Variants in RABL3 observed in about 807,000 individuals in gnomAD.
The protein encoded by RABL3 is rab-like protein 3.
In RABL3, 31 loss-of-function variants were observed where a neutral mutation model predicts 31.8. The ratio of observed to expected loss-of-function variants is 0.97; its 90% CI spans 0.73 to 1.31. RABL3 has a LOEUF of 1.31. RABL3 is among the 40% of genes most tolerant of loss of function. The probability of loss-of-function intolerance (pLI) is 0.00; values close to 1 mark genes in which losing one functional copy is unlikely to be tolerated. For missense variants in RABL3, 263 were observed against 279.6 expected, an observed-to-expected ratio of 0.94 and a Z score of 0.42; for synonymous variants, 97 against 99.9, an observed-to-expected ratio of 0.97 and a Z score of 0.18.
intron 1 of RABL3, among the ~76,000 whole-genome samples, chr3:120,735,404 T>G (rs1266288904): frequency 6.6e-6 from 1 of 151,818 alleles, no homozygotes; most frequent in Non-Finnish European, 1.5e-5. Flanking sequence ...CCTTTATCAT[T>G]TTTTATTGCG....
intron 2 of RABL3, among the ~76,000 whole-genome samples, chr3:120,724,304 A>G (rs946171345): frequency 7.9e-5 from 12 of 152,238 alleles, no homozygotes; most frequent in African/African-American, 2.9e-4. Context: ...AAAAGAGGAC[A>G]CAAACAAATG....
chr3:120,736,678 T>C (rs907280075), intron 1 of RABL3, among the ~76,000 whole-genome samples: 2 of 152,190 alleles, frequency 1.3e-5, no homozygotes, highest in Admixed American at 1.3e-4. Context: ...TACCAGTTGT[T>C]CCTTTCCATG....
chr3:120,708,330 T>C (rs1708574314), intron 3 of RABL3, among the ~76,000 whole-genome samples: 3 of 152,038 alleles, frequency 2.0e-5, no homozygotes, highest in Non-Finnish European at 4.4e-5. Flanking sequence ...TAATGAATAG[T>C]AGGTACAGAA....
intron 2 of RABL3, chr3:120,710,612 T>G (rs568905086): frequency 6.6e-6 from 1 of 152,316 alleles, no homozygotes; most frequent in South Asian, 2.1e-4. Context: ...TAAGGCTAAA[T>G]CCTCCTTCTG....
chr3:120,704,091 A>C (rs962085489), intron 4 of RABL3, among the ~76,000 whole-genome samples: 2 of 152,266 alleles, frequency 1.3e-5, no homozygotes, highest in Admixed American at 6.5e-5. Context: ...AACCAGTCAA[A>C]GACATTATGA....
intron 1 of RABL3, among the ~76,000 whole-genome samples, chr3:120,741,610 C>T (rs1176260058): frequency 6.6e-6 from 1 of 152,076 alleles, no homozygotes; most frequent in African/African-American, 2.4e-5. Context: ...AGCTGGAAAT[C>T]CAGACGCCAG....
intron 2 of RABL3, among the ~76,000 whole-genome samples, chr3:120,715,048 AACTGAACTT>A (rs1708652312): frequency 6.6e-6 from 1 of 152,182 alleles, no homozygotes; most frequent in African/African-American, 2.4e-5. Flanking sequence ...CCATGTCCAG[AACTGAACTT>A]ACTATTGTTT....
chr3:120,738,170 G>C (rs1275601415), intron 1 of RABL3, among the ~76,000 whole-genome samples: 1 of 152,214 alleles, frequency 6.6e-6, no homozygotes, highest in African/African-American at 2.4e-5. Flanking sequence ...CGAGCTTCCT[G>C]GCCTCTTTGT....
At chr3:120,716,239 T>G (rs1708666802) in intron 2 of RABL3, among the ~76,000 whole-genome samples, 1 of 152,222 alleles carries the variant, frequency 6.6e-6, no homozygotes, top group South Asian at 2.1e-4. Flanking sequence ...TTTTCATAAT[T>G]AAGAGTAGCC....
intron 1 of RABL3, among the ~76,000 whole-genome samples, chr3:120,741,222 C>T (rs527729455): frequency 3.3e-5 from 5 of 152,250 alleles, no homozygotes; most frequent in South Asian, 2.1e-4. Flanking sequence ...AAATTAACTT[C>T]GGCACCACTT....
chr3:120,702,878 T>A (rs537989770), intron 4 of RABL3, among the ~76,000 whole-genome samples: 1 of 152,122 alleles, frequency 6.6e-6, no homozygotes, highest in Admixed American at 6.5e-5. Flanking sequence ...TTTTTCTGAC[T>A]GATGGAACTG....
intron 1 of RABL3, among the ~76,000 whole-genome samples, chr3:120,733,434 A>T (rs573776815): frequency 1.3e-5 from 2 of 151,714 alleles, no homozygotes; most frequent in Non-Finnish European, 2.9e-5. Context: ...AATTTGTTGG[A>T]GTTCATTGTA....
At chr3:120,724,007 T>C (rs1465196314) in intron 2 of RABL3, among the ~76,000 whole-genome samples, 1 of 152,148 alleles carries the variant, frequency 6.6e-6, no homozygotes, top group East Asian at 1.9e-4. Context: ...GGAAGTCAAA[T>C]TGTCCCTGTT....
At chr3:120,720,764 G>C (rs1338461366) in intron 2 of RABL3, among the ~76,000 whole-genome samples, 1 of 152,232 alleles carries the variant, frequency 6.6e-6, no homozygotes, top group African/African-American at 2.4e-5. Context: ...ACACTCTGCA[G>C]GATATTATCT....
At chr3:120,732,402 CATT>C (rs1708895451) in intron 1 of RABL3, among the ~76,000 whole-genome samples, 1 of 152,108 alleles carries the variant, frequency 6.6e-6, no homozygotes, top group African/African-American at 2.4e-5. Context: ...ACTTAAAACA[CATT>C]ATTACATGTG....
At chr3:120,706,844 A>G (rs983572511) in intron 3 of RABL3, among the ~76,000 whole-genome samples, 1 of 152,166 alleles carries the variant, frequency 6.6e-6, no homozygotes, top group Non-Finnish European at 1.5e-5. Flanking sequence ...ATTTTGATAG[A>G]TTGAGAAAAA....
chr3:120,730,353 T>C (rs1559822563), intron 2 of RABL3, among the ~76,000 whole-genome samples: 1 of 152,218 alleles, frequency 6.6e-6, no homozygotes, highest in Non-Finnish European at 1.5e-5. Context: ...TAGCTGAAAG[T>C]TGGCAGTCTT....
At chr3:120,692,601 G>A (rs187517495) in intron 6 of RABL3, among the ~76,000 whole-genome samples, 103 of 152,256 alleles carry the variant, frequency 6.8e-4, no homozygotes, top group Non-Finnish European at 1.0e-3. Flanking sequence ...CCTCAGTCTG[G>A]AGGTCTGGCC....
intron 2 of RABL3, among the ~76,000 whole-genome samples, chr3:120,716,436 C>G (rs969609928): frequency 1.3e-5 from 2 of 152,058 alleles, no homozygotes; most frequent in African/African-American, 4.8e-5. Flanking sequence ...ATTAGCTTCA[C>G]CTGGTACTTA....
Sources: allele counts gnomAD v4.1 joint callset (sites outside exome capture counted in the v4.1 genomes callset), GRCh38; gene constraint gnomAD v4.1.1; transcripts MANE v1.5; gene names NCBI Gene and HGNC (gene_info 2026-07-23, HGNC 2026-07-21).